Variants in LRRK1 observed in about 807,000 individuals in gnomAD.
LRRK1 encodes the protein leucine-rich repeat serine/threonine-protein kinase 1.
Under a neutral mutation model 209.1 loss-of-function variants are expected in LRRK1, and 113 were observed. The ratio of observed to expected loss-of-function variants is 0.54; its 90% confidence interval spans 0.46 to 0.63. The LOEUF is 0.63. LRRK1 is among the 30% of genes least tolerant of loss of function. LRRK1 has a pLI of 0.00. For missense variants in LRRK1, 2,284 were observed against 2,632.2 expected (o/e 0.87, Z 2.89); for synonymous variants, 1,144 against 1,099.7 (o/e 1.04, Z -0.80).
chr15:101,043,082 G>C (rs967507155), intron 20 of LRRK1, among the ~76,000 whole-genome samples: 1 of 152,002 alleles, frequency 6.6e-6, no homozygotes, highest in Non-Finnish European at 1.5e-5. Context: ...GCTGTATCCA[G>C]GATCCAAATC....
At chr15:101,002,241 C>T (rs1344057265) in intron 6 of LRRK1, among the ~76,000 whole-genome samples, 1 of 152,246 alleles carries the variant, frequency 6.6e-6, no homozygotes, top group Non-Finnish European at 1.5e-5. Flanking sequence ...CTAGCACCCT[C>T]CTGAACAGCA....
At chr15:101,025,428 C>T (rs1037035873) in intron 16 of LRRK1, among the ~76,000 whole-genome samples, 6 of 152,148 alleles carry the variant, frequency 3.9e-5, no homozygotes, top group East Asian at 1.9e-4. Flanking sequence ...CATCCTGTAG[C>T]GCAGTCTGTT....
At chr15:100,939,106 A>C (rs1213031259) in intron 2 of LRRK1, among the ~76,000 whole-genome samples, 2 of 152,118 alleles carry the variant, frequency 1.3e-5, no homozygotes, top group African/African-American at 4.8e-5. Context: ...AATAAATAAA[A>C]AAGTCAAAAT....
At chr15:101,067,421 ATGTG>A (rs57333844) in intron 33 of LRRK1, 6,202 of 296,450 alleles carry the variant, frequency 0.021, 96 homozygotes, top group African/African-American at 0.051. Flanking sequence ...CTCAGTTCAA[ATGTG>A]TGTGTGTGTG....
At chr15:101,062,778 G>A in intron 31 of LRRK1, 88 bp downstream of exon 31, 3 of 939,230 alleles carry the variant, frequency 3.2e-6, no homozygotes, top group East Asian at 4.8e-5. Context: ...GGTGGCGCCT[G>A]CAGAGCCACA....
intron 6 of LRRK1, among the ~76,000 whole-genome samples, chr15:100,997,096 T>C (rs1315908085): frequency 1.5e-5 from 2 of 135,932 alleles, no homozygotes; most frequent in African/African-American, 5.7e-5. Flanking sequence ...CTATAGATCT[T>C]ATATCTATAG....
rs903355077 is a variant in LRRK1, at chr15:101,037,517, G to C, written c.2963+8285G>C. The stretch of plus-strand genomic sequence containing the variant: ...GTACAGGTACCAGCCATGGTAGGCA[G>C]GAGTGAAGTGATCCCCAGGCCAGCA... On this transcript the variant is annotated intron_variant, in intron 20 of 33. Coordinates refer to ENST00000388948, the MANE Select transcript of LRRK1 (RefSeq NM_024652.6). 2.6e-5 allele frequency among the ~76,000 whole-genome samples: 4 copies of C among 152,192 alleles called. No individual in the cohort carries two copies. The East Asian group carries it at 7.7e-4, about 29-fold the overall frequency.
chr15:101,048,606 C>A lies in LRRK1; in HGVS notation c.3248C>A (p.Thr1083Asn). ...ACATTCAGAGTGAAAAGAAATCAGACCATCTATTGGCAGGAAGGGCTCCTG... is the reference window on the plus strand; with the variant it reads ...ACATTCAGAGTGAAAAGAAATCAGAACATCTATTGGCAGGAAGGGCTCCTG... ...CSTFRVKRNQ[T>N]IYWQEGLLVT... Residue 1083 changes from threonine to asparagine, a missense_variant, in exon 22 of 34, where the codon ACC becomes AAC. Physicochemically the swap from Thr to Asn is moderately conservative, Grantham distance 65. This residue lies in a region of LRRK1 where 780 missense variants were observed against 985.2 expected (regional missense o/e 0.79). Transcript: ENST00000388948. 1 of 1,562,790 alleles carries A rather than the reference C, an allele frequency of 6.4e-7. No individual in the cohort carries two copies. Among genetic ancestry groups the A allele is most frequent in the Non-Finnish European group, 8.6e-7 (1 of 1,161,014 alleles).
At chr15:101,063,139 C>G (rs1156682733) in intron 31 of LRRK1, among the ~76,000 whole-genome samples, 1 of 152,210 alleles carries the variant, frequency 6.6e-6, no homozygotes, top group African/African-American at 2.4e-5. Context: ...CCGTCTTACA[C>G]CAGACGCAGT....
chr15:100,999,229 A>G (rs1419062338), intron 6 of LRRK1, among the ~76,000 whole-genome samples: 1 of 152,204 alleles, frequency 6.6e-6, no homozygotes, highest in East Asian at 1.9e-4. Flanking sequence ...TCCTATTTTT[A>G]AAAGAAATGA....
chr15:101,030,818 T>A (rs2034247593), intron 20 of LRRK1, among the ~76,000 whole-genome samples: 1 of 152,168 alleles, frequency 6.6e-6, no homozygotes, highest in Non-Finnish European at 1.5e-5. Context: ...GTTACGTAAG[T>A]TCTTTAGTGG....
intron 17 of LRRK1, 60 bp downstream of exon 17, chr15:101,026,197 C>T (rs2034025379): frequency 2.0e-6 from 3 of 1,519,064 alleles, no homozygotes; most frequent in South Asian, 2.3e-5. Flanking sequence ...CTGATCTTTC[C>T]TGGGATCAGC....
At chr15:101,032,183 T>A (rs1013533507) in intron 20 of LRRK1, among the ~76,000 whole-genome samples, 1 of 152,246 alleles carries the variant, frequency 6.6e-6, no homozygotes, top group Admixed American at 6.5e-5. Flanking sequence ...TTGGTATATC[T>A]TCTTCTGTGA....
chr15:101,038,688 C>T (rs1596306770), intron 20 of LRRK1, among the ~76,000 whole-genome samples: 1 of 152,188 alleles, frequency 6.6e-6, no homozygotes, highest in African/African-American at 2.4e-5. Flanking sequence ...TGTTGAATTC[C>T]AGTGTTCCCT....
chr15:101,057,204 A>T (rs967219248), intron 28 of LRRK1, among the ~76,000 whole-genome samples, 154 bp downstream of exon 28: 3 of 152,230 alleles, frequency 2.0e-5, no homozygotes. Flanking sequence ...TGCTCCTAAC[A>T]TACCTACTTT....
chr15:100,926,517 C>T (rs529611022), intron 2 of LRRK1, among the ~76,000 whole-genome samples: 32 of 137,378 alleles, frequency 2.3e-4, no homozygotes, highest in Middle Eastern at 7.5e-3. Flanking sequence ...TTCTCAACCA[C>T]GGCCCACACA....
rs114460549 is a variant in LRRK1 at position 101,047,324 on chromosome 15, C to T, written c.3136-1170C>T. On this transcript the variant is annotated intron_variant, in intron 21 of 33. Coordinates refer to ENST00000388948, the MANE Select transcript of LRRK1 (RefSeq NM_024652.6). ...AGCGGGGAGGGAGATGGGTTAATAGCGCCAGAAGGGTGCACTGATTGAAGG... is the reference window on the plus strand; with the variant it reads ...AGCGGGGAGGGAGATGGGTTAATAGTGCCAGAAGGGTGCACTGATTGAAGG... 1.4e-3 allele frequency among the ~76,000 whole-genome samples: 217 copies of T among 152,334 alleles called. 1 individual carries two copies. The highest frequency in any genetic ancestry group is 4.8e-3 in the African/African-American group (198 of 41,574).
intron 9 of LRRK1, among the ~76,000 whole-genome samples, 178 bp downstream of exon 9, chr15:101,011,015 C>A: frequency 6.6e-6 from 1 of 152,258 alleles, no homozygotes; most frequent in Non-Finnish European, 1.5e-5. Flanking sequence ...GTGTCCCAGG[C>A]AGATGACTCA....
At chr15:100,929,960 G>A (rs1280705816) in intron 2 of LRRK1, among the ~76,000 whole-genome samples, 2 of 152,252 alleles carry the variant, frequency 1.3e-5, no homozygotes, top group Non-Finnish European at 2.9e-5. Context: ...TGCTTACAAA[G>A]CAGAGGCCAG....
Sources: gnomAD v4.1 joint callset for allele counts (sites outside exome capture counted in the v4.1 genomes callset) on GRCh38, gnomAD v4.1.1 for gene constraint, gnomAD v4.1.1 regional missense constraint, MANE v1.5 for transcripts, NCBI Gene and HGNC (gene_info 2026-07-23, HGNC 2026-07-21) for gene names.